AUTS2: variants seen among roughly 807,000 people sequenced by gnomAD.
The protein encoded by AUTS2 is autism susceptibility gene 2 protein.
AUTS2 carries 17 observed loss-of-function variants against 112.4 expected under a neutral mutation model. That is an observed-to-expected ratio of 0.15 (90% CI 0.10 to 0.23). The LOEUF (loss-of-function observed/expected upper bound fraction) is 0.23, where lower values mean the gene tolerates loss of function less well. AUTS2 is among the 10% of genes least tolerant of loss of function. The probability of loss-of-function intolerance (pLI) is 1.00; values close to 1 mark genes in which losing one functional copy is unlikely to be tolerated. For synonymous variants in AUTS2, 751 were observed against 702.7 expected (o/e 1.07, Z -1.09); for missense variants, 1,510 against 1,701.6 (o/e 0.89, Z 1.98).
chr7:69,987,601 G>A (rs1798565702), intron 2 of AUTS2, among the ~76,000 whole-genome samples: 1 of 152,016 alleles, frequency 6.6e-6, no homozygotes, highest in South Asian at 2.1e-4. Context: ...CTGTAGCCGG[G>A]ACTACAGGTG....
At chr7:70,768,879 T>TC (rs1790120928) in intron 10 of AUTS2, among the ~76,000 whole-genome samples, 1 of 146,018 alleles carries the variant, frequency 6.8e-6, no homozygotes, top group African/African-American at 2.5e-5. Flanking sequence ...AGTGATTTCT[T>TC]TTTTTTTTTT....
At chr7:70,148,092 A>G (rs1304208362) in intron 4 of AUTS2, among the ~76,000 whole-genome samples, 1 of 152,058 alleles carries the variant, frequency 6.6e-6, no homozygotes, top group African/African-American at 2.4e-5. Context: ...ATCATATCTG[A>G]TTAAATGAGC....
rs117234824 is a variant in AUTS2, at chr7:70,732,483, G to A, written c.743-30387G>A. On this transcript the variant is annotated intron_variant, in intron 6 of 18. Transcript: ENST00000342771. ...TTGACCTGCAGACATCACAGGGCCA[G>A]GTCCTTTCCTTCCTAGCAGTGCTAT... 5.9e-3 allele frequency among the ~76,000 whole-genome samples: 903 copies of A among 152,288 alleles called. 9 individuals carry two copies. The highest frequency in any genetic ancestry group is 8.6e-3 in the Non-Finnish European group (585 of 68,022).
chr7:70,249,373 G>A (rs1297914701), intron 4 of AUTS2, among the ~76,000 whole-genome samples: 5 of 152,036 alleles, frequency 3.3e-5, no homozygotes, highest in Admixed American at 6.6e-5. Context: ...AGCCACATGT[G>A]GCCAGTGGCT....
At chr7:69,931,661 T>C (rs1004277531) in intron 2 of AUTS2, among the ~76,000 whole-genome samples, 3 of 152,204 alleles carry the variant, frequency 2.0e-5, no homozygotes, top group Admixed American at 6.5e-5. Context: ...GTTTTTGTCA[T>C]GGCAGTCTTA....
At chr7:70,033,539 T>C (rs753186445) in intron 2 of AUTS2, among the ~76,000 whole-genome samples, 4 of 152,168 alleles carry the variant, frequency 2.6e-5, no homozygotes, top group Non-Finnish European at 4.4e-5. Context: ...TATCAGATAC[T>C]CCTTGGCAGA....
At chr7:70,490,531 G>T (rs1427881866) in intron 5 of AUTS2, among the ~76,000 whole-genome samples, 2 of 152,056 alleles carry the variant, frequency 1.3e-5, no homozygotes, top group African/African-American at 4.8e-5. Context: ...TGTGTACACA[G>T]CCCAGTTGAC....
intron 2 of AUTS2, among the ~76,000 whole-genome samples, chr7:70,041,946 CTG>C (rs1801266909): frequency 6.6e-6 from 1 of 151,974 alleles, no homozygotes; most frequent in African/African-American, 2.4e-5. Flanking sequence ...CTCCAAATAA[CTG>C]GATTATAAAG....
At chr7:69,773,600 A>G (rs1788765038) in intron 1 of AUTS2, among the ~76,000 whole-genome samples, 1 of 152,078 alleles carries the variant, frequency 6.6e-6, no homozygotes, top group African/African-American at 2.4e-5. Context: ...CACACCCCAT[A>G]TCACCAACCC....
At chr7:70,588,289 T>C (rs1479950553) in intron 5 of AUTS2, among the ~76,000 whole-genome samples, 1 of 152,154 alleles carries the variant, frequency 6.6e-6, no homozygotes, top group Admixed American at 6.5e-5. Flanking sequence ...AAGACTTCCA[T>C]GCTGAGCCAA....
intron 5 of AUTS2, among the ~76,000 whole-genome samples, chr7:70,517,002 T>C (rs1163292554): frequency 2.6e-5 from 4 of 152,072 alleles, no homozygotes; most frequent in Non-Finnish European, 5.9e-5. Context: ...TTAGGTGCAA[T>C]TTTCTCTCCT....
At chr7:70,613,652 T>C (rs1214895701) in intron 5 of AUTS2, among the ~76,000 whole-genome samples, 1 of 152,098 alleles carries the variant, frequency 6.6e-6, no homozygotes, top group Non-Finnish European at 1.5e-5. Flanking sequence ...GGCTTTTTGC[T>C]GAGCCCAGAT....
At chr7:69,665,018 T>A (rs1795965938) in intron 1 of AUTS2, among the ~76,000 whole-genome samples, 1 of 152,170 alleles carries the variant, frequency 6.6e-6, no homozygotes, top group African/African-American at 2.4e-5. Flanking sequence ...TAGGTTGGCA[T>A]CAGGCTAACT....
intron 1 of AUTS2, among the ~76,000 whole-genome samples, chr7:69,792,766 A>G (rs775085958): frequency 1.3e-5 from 2 of 152,142 alleles, no homozygotes; most frequent in Non-Finnish European, 1.5e-5. Context: ...AGGCAAATGT[A>G]TGCAAGTGTA....
rs556403253 is a variant in AUTS2, at chr7:70,206,505, AT to A, written c.660+71935del. Among the ~76,000 whole-genome samples the A allele has an allele frequency of 5.1e-4, 77 of 152,326 alleles. No individual in the cohort carries two copies. In the Middle Eastern group the frequency reaches 0.01, roughly 20 times the overall value. ...AATGATTTAAAATTCCACAAAATCT[AT>A]GGAATTTCAGCCTCTTAAGTAACCT... On this transcript the variant is annotated intron_variant, in intron 4 of 18. Coordinates refer to ENST00000342771, the MANE Select transcript of AUTS2 (RefSeq NM_015570.4).
At chr7:70,268,146 T>A (rs1314188760) in intron 4 of AUTS2, among the ~76,000 whole-genome samples, 2 of 152,214 alleles carry the variant, frequency 1.3e-5, no homozygotes, top group Non-Finnish European at 1.5e-5. Context: ...GCACCATACA[T>A]CTGACTCCTC....
chr7:70,640,441 A>AC (rs1805760814), intron 5 of AUTS2, among the ~76,000 whole-genome samples: 1 of 151,132 alleles, frequency 6.6e-6, no homozygotes, highest in Non-Finnish European at 1.5e-5. Context: ...AAAAAAAAAA[A>AC]ACCATAAAAA....
At chr7:70,468,499 G>C (rs1056755771) in intron 5 of AUTS2, among the ~76,000 whole-genome samples, 1 of 152,200 alleles carries the variant, frequency 6.6e-6, no homozygotes, top group African/African-American at 2.4e-5. Flanking sequence ...ACCTGGACAA[G>C]TTACCTCCCC....
At chr7:70,447,453 A>G (rs10253217) in intron 5 of AUTS2, among the ~76,000 whole-genome samples, 11,743 of 152,272 alleles carry the variant, frequency 0.077, 578 homozygotes, top group East Asian at 0.14. Context: ...TAGATGTGCT[A>G]TACATATGTT....
Sources: allele counts gnomAD v4.1 joint callset (sites outside exome capture counted in the v4.1 genomes callset), GRCh38; gene constraint gnomAD v4.1.1; transcripts MANE v1.5; gene names NCBI Gene and HGNC (gene_info 2026-07-23, HGNC 2026-07-21).